The following SCFD2 variants were observed in gnomAD, a reference collection of about 807,000 sequenced individuals.
SCFD2 encodes sec1 family domain-containing protein 2.
Under a neutral mutation model 58.9 loss-of-function variants are expected in SCFD2, and 54 were observed. The ratio of observed to expected loss-of-function variants is 0.92; its 90% CI spans 0.74 to 1.15. The LOEUF (loss-of-function observed/expected upper bound fraction) is 1.15, where lower values mean the gene tolerates loss of function less well. Ranked by LOEUF, SCFD2 falls within the 50% of genes most tolerant of loss-of-function variation. The pLI, the probability that SCFD2 is intolerant of heterozygous loss-of-function variation, is 0.00. For synonymous variants in SCFD2, 321 were observed against 335.9 expected (o/e 0.96, Z 0.49); for missense variants, 805 against 836.6 (o/e 0.96, Z 0.47).
chr4:53,191,657 G>A lies in SCFD2; in HGVS notation c.1312-46075C>T, dbSNP rs536202903. ...CCTGGCCTCGTGATCCACCTGCCTC[G>A]GCCTCCCAAAGTGCTGGGATTATAG... On this transcript the variant is annotated intron_variant, in intron 4 of 8. Coordinates refer to ENST00000401642, the MANE Select transcript of SCFD2 (RefSeq NM_152540.4). 5.9e-5 allele frequency among the ~76,000 whole-genome samples: 9 copies of A among 152,164 alleles called. No homozygotes were observed. The South Asian group carries it at 8.3e-4, about 14-fold the overall frequency.
chr4:53,302,955 A>G (rs1732367471), intron 3 of SCFD2, among the ~76,000 whole-genome samples: 1 of 152,218 alleles, frequency 6.6e-6, no homozygotes, highest in Non-Finnish European at 1.5e-5. Flanking sequence ...TTAATTCAAG[A>G]TGGATTAAAG....
At chr4:53,322,251 C>A (rs1452576281) in intron 2 of SCFD2, among the ~76,000 whole-genome samples, 1 of 152,126 alleles carries the variant, frequency 6.6e-6, no homozygotes, top group African/African-American at 2.4e-5. Context: ...CCGACCAAAA[C>A]CCACCAAAAC....
intron 4 of SCFD2, among the ~76,000 whole-genome samples, chr4:53,164,582 T>A (rs1726948486): frequency 6.6e-6 from 1 of 151,876 alleles, no homozygotes; most frequent in Non-Finnish European, 1.5e-5. Flanking sequence ...TAACTGGAGA[T>A]GAGGTGTTCA....
At chr4:53,150,293 C>T (rs1726466157) in intron 4 of SCFD2, among the ~76,000 whole-genome samples, 1 of 152,154 alleles carries the variant, frequency 6.6e-6, no homozygotes, top group South Asian at 2.1e-4. Flanking sequence ...CCAGAGCCAT[C>T]AGCCAAGATA....
chr4:53,255,003 G>C (rs1730553120), intron 4 of SCFD2, among the ~76,000 whole-genome samples: 2 of 150,436 alleles, frequency 1.3e-5, no homozygotes, highest in Admixed American at 1.3e-4. Flanking sequence ...CTCCCCAGCA[G>C]CTGGGACTAC....
At chr4:53,094,172 C>T (rs1022508134) in intron 5 of SCFD2, among the ~76,000 whole-genome samples, 8 of 152,026 alleles carry the variant, frequency 5.3e-5, no homozygotes, top group Admixed American at 3.3e-4. Context: ...AACTCTTAAC[C>T]AAAGTTCATC....
chr4:53,126,695 C>T (rs982799580), intron 5 of SCFD2, among the ~76,000 whole-genome samples: 4 of 152,172 alleles, frequency 2.6e-5, no homozygotes, highest in Admixed American at 6.6e-5. Flanking sequence ...GTCCCTCACA[C>T]GTGGGACAAA....
At chr4:53,279,231 A>G (rs998332672) in intron 3 of SCFD2, among the ~76,000 whole-genome samples, 1 of 152,208 alleles carries the variant, frequency 6.6e-6, no homozygotes, top group African/African-American at 2.4e-5. Flanking sequence ...TTAAGACTGC[A>G]TAAATATATA....
intron 4 of SCFD2, among the ~76,000 whole-genome samples, chr4:53,228,180 A>G (rs971388495): frequency 2.0e-5 from 3 of 152,172 alleles, no homozygotes; most frequent in East Asian, 1.9e-4. Flanking sequence ...CAAGAGCTCA[A>G]TGGTGGTAGA....
intron 5 of SCFD2, among the ~76,000 whole-genome samples, chr4:53,064,308 T>A (rs2148843430): frequency 6.6e-6 from 1 of 152,222 alleles, no homozygotes; most frequent in South Asian, 2.1e-4. Context: ...GCGTCTATTC[T>A]TCCCATCTGT....
chr4:53,119,110 G>A (rs1197954416), intron 5 of SCFD2, among the ~76,000 whole-genome samples: 1 of 152,116 alleles, frequency 6.6e-6, no homozygotes, highest in Admixed American at 6.5e-5. Context: ...TTCAAGTCAG[G>A]AGTTCGAGAC....
chr4:53,099,382 T>G (rs1295393116), intron 5 of SCFD2, among the ~76,000 whole-genome samples: 2 of 152,234 alleles, frequency 1.3e-5, no homozygotes, highest in Non-Finnish European at 2.9e-5. Context: ...ATTTCCTCAT[T>G]AAATATCCTC....
chr4:53,300,240 A>G (rs1010003746), intron 3 of SCFD2, among the ~76,000 whole-genome samples: 7 of 152,192 alleles, frequency 4.6e-5, no homozygotes, highest in African/African-American at 1.7e-4. Flanking sequence ...CTCAAAATAA[A>G]GGGATGGAGG....
chr4:53,048,310 A>T (rs1723094890), intron 5 of SCFD2, among the ~76,000 whole-genome samples: 1 of 152,236 alleles, frequency 6.6e-6, no homozygotes, highest in Admixed American at 6.5e-5. Flanking sequence ...AGATCGTGCC[A>T]CTGCACCCCA....
At chr4:53,217,360 T>A (rs1252804873) in intron 4 of SCFD2, among the ~76,000 whole-genome samples, 11 of 152,240 alleles carry the variant, frequency 7.2e-5, no homozygotes, top group Admixed American at 6.5e-5. Flanking sequence ...TTTAGGATAG[T>A]TAGCTCTTCT....
At chr4:52,970,741 G>C (rs545788044) in intron 5 of SCFD2, among the ~76,000 whole-genome samples, 1 of 152,216 alleles carries the variant, frequency 6.6e-6, no homozygotes, top group South Asian at 2.1e-4. Flanking sequence ...CCTGACCCCC[G>C]AGTAGCCTAA....
intron 5 of SCFD2, among the ~76,000 whole-genome samples, chr4:52,923,546 T>A (rs948337539): frequency 6.6e-6 from 1 of 151,760 alleles, no homozygotes; most frequent in Non-Finnish European, 1.5e-5. Flanking sequence ...AGAAAATGCC[T>A]CCTCACAACA....
chr4:52,992,944 C>T (rs181864277), intron 5 of SCFD2, among the ~76,000 whole-genome samples: 8,264 of 151,770 alleles, frequency 0.054, 315 homozygotes, highest in African/African-American at 0.1. Context: ...GCGGTTTTGT[C>T]GAATAGAAAA....
intron 4 of SCFD2, among the ~76,000 whole-genome samples, chr4:53,251,857 C>T (rs1190831385): frequency 6.6e-6 from 1 of 150,598 alleles, no homozygotes; most frequent in Non-Finnish European, 1.5e-5. Flanking sequence ...CACTCCTATT[C>T]AACACAGTGT....
Sources: allele counts gnomAD v4.1 joint callset (sites outside exome capture counted in the v4.1 genomes callset), GRCh38; gene constraint gnomAD v4.1.1; transcripts MANE v1.5; gene names NCBI Gene and HGNC (gene_info 2026-07-23, HGNC 2026-07-21).